Variants in GRAMD1B observed in about 807,000 individuals in gnomAD.
The protein encoded by GRAMD1B is GRAM domain containing 1B, also known as protein Aster-B.
Under a neutral mutation model 99.7 loss-of-function variants are expected in GRAMD1B, and 37 were observed. The observed-to-expected ratio is 0.37, with a 90% CI of 0.29 to 0.49. GRAMD1B has a LOEUF of 0.49. GRAMD1B is among the 20% of genes least tolerant of loss of function. The pLI, the probability that GRAMD1B is intolerant of heterozygous loss-of-function variation, is 0.98. For missense variants in GRAMD1B, 888 were observed against 1,009.2 expected, an observed-to-expected ratio of 0.88 and a Z score of 1.63; for synonymous variants, 427 against 387.6, an observed-to-expected ratio of 1.10 and a Z score of -1.19.
intron 2 of GRAMD1B, among the ~76,000 whole-genome samples, chr11:123,554,063 C>T (rs1945898382): frequency 1.3e-5 from 2 of 152,204 alleles, no homozygotes; most frequent in Admixed American, 6.5e-5. Context: ...TTTGGGGCAG[C>T]ACTGCAGAAT....
chr11:123,487,897 G>A (rs1450053360), intron 2 of GRAMD1B, among the ~76,000 whole-genome samples: 3 of 152,192 alleles, frequency 2.0e-5, no homozygotes, highest in Non-Finnish European at 4.4e-5. Context: ...GTGAGCCACG[G>A]CACCCAGCTG....
intron 1 of GRAMD1B, among the ~76,000 whole-genome samples, chr11:123,464,678 T>C (rs1371643594): frequency 1.3e-5 from 2 of 152,186 alleles, no homozygotes; most frequent in East Asian, 3.8e-4. Flanking sequence ...CTTAAAAAGT[T>C]TCCAGGTGAT....
Position 123,516,508 on chromosome 11 carries a change from C to G in GRAMD1B, c.452+35615C>G, listed in dbSNP as rs1342323978. On this transcript the variant is annotated intron_variant, in intron 2 of 19. Transcript: ENST00000635736. The stretch of plus-strand genomic sequence containing the variant: ...TTCCGAAGGCACTATTTCTGGACAC[C>G]TCTCATGCAAATAGAAAGCTCTTGT... 2.0e-5 allele frequency among the ~76,000 whole-genome samples: 3 copies of G among 152,158 alleles called. No individual in the cohort carries two copies. The East Asian group carries it at 5.8e-4, about 29-fold the overall frequency.
chr11:123,458,334 A>G (rs930956478), intron 1 of GRAMD1B: 2 of 152,098 alleles, frequency 1.3e-5, no homozygotes, highest in Non-Finnish European at 2.9e-5. Flanking sequence ...ATATAATCCA[A>G]CTCTGGCAGT....
intron 1 of GRAMD1B, among the ~76,000 whole-genome samples, chr11:123,438,224 T>C (rs1416259110): frequency 6.6e-6 from 1 of 152,178 alleles, no homozygotes; most frequent in African/African-American, 2.4e-5. Flanking sequence ...GTTTTCCAGC[T>C]GAGGAACCTG....
chr11:123,605,198 T>C (rs1952547638), intron 9 of GRAMD1B, 124 bp from the exon 10 acceptor site: 2 of 649,676 alleles, frequency 3.1e-6, no homozygotes, highest in African/African-American at 1.9e-5. Flanking sequence ...AGGAAGATCA[T>C]ACACAAAGCA....
chr11:123,546,796 C>T (rs1408451274), intron 2 of GRAMD1B, among the ~76,000 whole-genome samples: 1 of 152,158 alleles, frequency 6.6e-6, no homozygotes, highest in Non-Finnish European at 1.5e-5. Context: ...TGTCAGCATA[C>T]AGGGACCCAG....
intron 1 of GRAMD1B, among the ~76,000 whole-genome samples, chr11:123,457,931 G>A (rs1781752678): frequency 1.3e-5 from 2 of 152,080 alleles, no homozygotes; most frequent in African/African-American, 4.8e-5. Flanking sequence ...ATCCAAGGTG[G>A]TCTTGAACTC....
intron 2 of GRAMD1B, among the ~76,000 whole-genome samples, chr11:123,490,030 A>C (rs1438075779): frequency 1.3e-5 from 2 of 152,278 alleles, no homozygotes; most frequent in East Asian, 3.9e-4. Flanking sequence ...TAGCTACTGC[A>C]CTCCAGTCTG....
chr11:123,594,273 G>A (rs1950995453), intron 5 of GRAMD1B, 107 bp downstream of exon 5: 18 of 770,342 alleles, frequency 2.3e-5, no homozygotes, highest in South Asian at 2.3e-4. Context: ...AGGTAAGCAA[G>A]GGAACAGGGA....
intron 1 of GRAMD1B, among the ~76,000 whole-genome samples, chr11:123,450,152 T>A (rs1025685464): frequency 6.6e-6 from 1 of 152,134 alleles, no homozygotes; most frequent in African/African-American, 2.4e-5. Flanking sequence ...AATATTTTGT[T>A]TGATGGTGGA....
At chr11:123,422,815 C>T (rs192728633) in intron 1 of GRAMD1B, among the ~76,000 whole-genome samples, 366 of 152,322 alleles carry the variant, frequency 2.4e-3, no homozygotes, top group Non-Finnish European at 4.2e-3. Context: ...TGACTAGGTA[C>T]TGTCTTCTCT....
exon 1 of GRAMD1B, chr11:123,358,692 C>G (rs2135656932): frequency 6.6e-6 from 1 of 152,556 alleles, no homozygotes; most frequent in South Asian, 2.1e-4. Context: ...GCCAGGCTCG[C>G]GGGGAGACGT....
rs574018916 is a variant in GRAMD1B at position 123,510,192 on chromosome 11, C to T, written c.452+29299C>T. 6.6e-5 allele frequency among the ~76,000 whole-genome samples: 10 copies of T among 152,200 alleles called. No homozygotes were observed. The highest frequency in any genetic ancestry group is 3.3e-4 in the Admixed American group (5 of 15,280). ...CTTGAGGTTCTCACACCCGCCTGCC[C>T]GCCACCAGCTGCTGACCTTCTCCCT... On this transcript the variant is annotated intron_variant, in intron 2 of 19. Transcript: ENST00000635736. This position sits in a 1 kb window ranked among gnomAD's most constrained non-coding sequence, Gnocchi z 4.3.
intron 3 of GRAMD1B, 107 bp from the exon 4 acceptor site, chr11:123,584,205 C>G: frequency 1.5e-6 from 1 of 668,682 alleles, no homozygotes; most frequent in South Asian, 1.7e-5. Context: ...TGCATTTGGA[C>G]CCCTCCTCCC....
At chr11:123,527,970 G>C (rs1942965355) in intron 2 of GRAMD1B, among the ~76,000 whole-genome samples, 1 of 152,186 alleles carries the variant, frequency 6.6e-6, no homozygotes, top group Non-Finnish European at 1.5e-5. Flanking sequence ...CTGTAATTGG[G>C]ATAATTTTGT....
intron 1 of GRAMD1B, among the ~76,000 whole-genome samples, chr11:123,379,450 C>T (rs1185928795): frequency 6.6e-6 from 1 of 152,024 alleles, no homozygotes; most frequent in Non-Finnish European, 1.5e-5. Flanking sequence ...TAATTCTGGC[C>T]TTCTGTGTTC....
At chr11:123,359,711 A>G (rs1342359634) in intron 1 of GRAMD1B, among the ~76,000 whole-genome samples, 1 of 152,178 alleles carries the variant, frequency 6.6e-6, no homozygotes, top group Non-Finnish European at 1.5e-5. Context: ...ACATATCGCG[A>G]ACGCTTGGCA....
At chr11:123,439,729 G>T (rs943366673) in intron 1 of GRAMD1B, among the ~76,000 whole-genome samples, 1 of 152,082 alleles carries the variant, frequency 6.6e-6, no homozygotes, top group African/African-American at 2.4e-5. Context: ...CTGAAATCTC[G>T]ACCAGTTTCT....
Sources: allele counts gnomAD v4.1 joint callset (sites outside exome capture counted in the v4.1 genomes callset), GRCh38; gene constraint gnomAD v4.1.1; non-coding constraint Gnocchi (gnomAD v3.1); transcripts MANE v1.5; gene names NCBI Gene and HGNC (gene_info 2026-07-23, HGNC 2026-07-21).